The following OR6N1 variants were observed in gnomAD, a reference collection of about 807,000 sequenced individuals.
OR6N1 encodes olfactory receptor family 6 subfamily N member 1.
For synonymous variants in OR6N1, 170 were observed against 150.7 expected (o/e 1.13, Z -0.94); for missense variants, 394 against 371.7 (o/e 1.06, Z -0.49).
At chr1:158,792,375 G>T in the OR6N1 span, among the ~76,000 whole-genome samples, 1 of 152,098 alleles carries the variant, frequency 6.6e-6, no homozygotes, top group Non-Finnish European at 1.5e-5. Flanking sequence ...TTTAAGTGGA[G>T]CAATTAGATC....
chr1:158,836,592 A>G, the OR6N1 span, among the ~76,000 whole-genome samples: 21 of 151,840 alleles, frequency 1.4e-4, no homozygotes, highest in South Asian at 4.3e-3. Flanking sequence ...TTCTGATTTT[A>G]TTATTTGAGT....
At chr1:158,815,756 A>G in the OR6N1 span, among the ~76,000 whole-genome samples, 1 of 152,226 alleles carries the variant, frequency 6.6e-6, no homozygotes, top group Non-Finnish European at 1.5e-5. Context: ...TTTAACCCTC[A>G]CAGGTATTCT....
In OR6N1 at chr1:158,765,986, C is replaced by A; in HGVS notation, c.697G>T (p.Gly233Cys). The change falls in exon 2 of 2, where the codon GGC (glycine) becomes TGC (cysteine). Residue 233 changes from glycine to cysteine, a missense_variant. By Grantham distance (159) the Gly-to-Cys change is radical. Transcript: ENST00000641846. ...CTVLRIPSAA[G>C]KRKAISTCAS... ...CACGTGGAGATGGCCTTCCTCTTGC[C>A]GGCAGCTGAGGGAATTCTGAGCACT... is the stretch of plus-strand genomic sequence containing the variant. 6.2e-7 allele frequency: 1 copy of A among 1,614,114 alleles called. No individual in the cohort carries two copies. Among genetic ancestry groups the A allele is most frequent in the Non-Finnish European group, 8.5e-7 (1 of 1,179,988 alleles).
At chr1:158,778,133 A>T in the OR6N1 span, among the ~76,000 whole-genome samples, 1 of 152,226 alleles carries the variant, frequency 6.6e-6, no homozygotes, top group Admixed American at 6.5e-5. Context: ...TGTAGTAGCA[A>T]ATATTTTCCT....
At chr1:158,794,710 T>G in the OR6N1 span, among the ~76,000 whole-genome samples, 1 of 152,204 alleles carries the variant, frequency 6.6e-6, no homozygotes, top group Non-Finnish European at 1.5e-5. Flanking sequence ...ATTCAAGACC[T>G]CTTGGCTAGC....
the OR6N1 span, among the ~76,000 whole-genome samples, chr1:158,807,374 G>A: frequency 1.3e-5 from 2 of 152,150 alleles, no homozygotes; most frequent in Non-Finnish European, 2.9e-5. Context: ...TCAAGATTAG[G>A]CAATACTTAG....
At chr1:158,811,255 C>T in the OR6N1 span, among the ~76,000 whole-genome samples, 1 of 152,078 alleles carries the variant, frequency 6.6e-6, no homozygotes, top group South Asian at 2.1e-4. Context: ...TCAGCAGTGC[C>T]GTCACTTCTG....
the OR6N1 span, among the ~76,000 whole-genome samples, chr1:158,797,148 T>C: frequency 6.6e-6 from 1 of 152,238 alleles, no homozygotes. Flanking sequence ...AGGCTGGGGA[T>C]GCTGCTAGCC....
the OR6N1 span, among the ~76,000 whole-genome samples, chr1:158,790,400 A>ATT: frequency 0.12 from 15,226 of 129,380 alleles, 1,143 homozygotes; most frequent in African/African-American, 0.17. Context: ...TTGATAGGGA[A>ATT]TTTTTTTTTT....
the OR6N1 span, among the ~76,000 whole-genome samples, chr1:158,782,284 T>C: frequency 5.3e-3 from 810 of 152,356 alleles, 5 homozygotes; most frequent in African/African-American, 0.019. Context: ...CATTTCATGT[T>C]GCAGATATGG....
At chr1:158,830,507 G>A in the OR6N1 span, among the ~76,000 whole-genome samples, 4 of 152,138 alleles carry the variant, frequency 2.6e-5, no homozygotes, top group Non-Finnish European at 5.9e-5. Context: ...AGATCAGCTA[G>A]TTGGTAACCA....
the OR6N1 span, among the ~76,000 whole-genome samples, chr1:158,834,981 G>A: frequency 6.6e-6 from 1 of 152,086 alleles, no homozygotes; most frequent in Non-Finnish European, 1.5e-5. Context: ...CTTTATGTCT[G>A]TCTTTATGCC....
chr1:158,812,295 G>A, the OR6N1 span, among the ~76,000 whole-genome samples: 1,149 of 152,238 alleles, frequency 7.5e-3, 15 homozygotes, highest in African/African-American at 0.026. Flanking sequence ...AGAAATATGT[G>A]CTAAAAATTT....
chr1:158,812,344 A>G, the OR6N1 span, among the ~76,000 whole-genome samples: 1 of 152,266 alleles, frequency 6.6e-6, no homozygotes, highest in African/African-American at 2.4e-5. Flanking sequence ...TTTGTAAATT[A>G]AAAGTAACAT....
chr1:158,779,978 T>C, the OR6N1 span, among the ~76,000 whole-genome samples: 1 of 152,248 alleles, frequency 6.6e-6, no homozygotes, highest in African/African-American at 2.4e-5. Context: ...CCTGGAACAG[T>C]AGGCATAGAA....
At chr1:158,800,567 G>C in the OR6N1 span, among the ~76,000 whole-genome samples, 4 of 152,204 alleles carry the variant, frequency 2.6e-5, no homozygotes, top group African/African-American at 9.6e-5. Flanking sequence ...TAATAGGTGG[G>C]GACCCCAGAA....
the OR6N1 span, among the ~76,000 whole-genome samples, chr1:158,823,599 CT>C: frequency 3.3e-5 from 5 of 151,452 alleles, no homozygotes; most frequent in African/African-American, 1.2e-4. Flanking sequence ...TCGTCTCTCT[CT>C]TTTTTTCTTT....
At chr1:158,805,340 G>T in the OR6N1 span, among the ~76,000 whole-genome samples, 2 of 152,184 alleles carry the variant, frequency 1.3e-5, no homozygotes, top group African/African-American at 2.4e-5. Flanking sequence ...GTGGCCAAAA[G>T]TTGGACCTCA....
the OR6N1 span, among the ~76,000 whole-genome samples, chr1:158,789,620 C>A: frequency 6.6e-6 from 1 of 152,114 alleles, no homozygotes; most frequent in Non-Finnish European, 1.5e-5. Flanking sequence ...TAACTCCTAG[C>A]CATTATATAT....
Sources: allele counts gnomAD v4.1 joint callset (sites outside exome capture counted in the v4.1 genomes callset), GRCh38; gene constraint gnomAD v4.1.1; transcripts MANE v1.5; gene names NCBI Gene and HGNC (gene_info 2026-07-23, HGNC 2026-07-21).